PDE3A: variants seen among roughly 807,000 people sequenced by gnomAD.
The protein encoded by PDE3A is phosphodiesterase 3A.
Under a neutral mutation model 98.3 loss-of-function variants are expected in PDE3A, and 43 were observed. The observed-to-expected ratio is 0.44, with a 90% CI of 0.34 to 0.56. PDE3A has a LOEUF of 0.56. Ranked by LOEUF, PDE3A falls within the 20% of genes least tolerant of loss-of-function variation. The pLI is 0.01. For missense variants in PDE3A, 1,427 were observed against 1,440.7 expected (o/e 0.99, Z 0.15); for synonymous variants, 663 against 567.9 (o/e 1.17, Z -2.38).
chr12:20,424,865 G>A lies in PDE3A; in HGVS notation c.960+54621G>A, dbSNP rs908815613. 1.6e-4 allele frequency among the ~76,000 whole-genome samples: 24 copies of A among 152,138 alleles called. 1 individual carries two copies. The highest frequency in any genetic ancestry group is 4.1e-4 in the African/African-American group (17 of 41,440). ...ACTATAGGATTCCCTCCTAAATTTC[G>A]TTCATTGTAACACCCACACTGTGTT... On this transcript the variant is annotated intron_variant, in intron 1 of 15. Transcript: ENST00000359062.
chr12:20,578,474 T>TACACACACACAC (rs5796870), intron 2 of PDE3A, among the ~76,000 whole-genome samples: 1 of 148,462 alleles, frequency 6.7e-6, no homozygotes, highest in African/African-American at 2.5e-5. Flanking sequence ...ATACAACTAA[T>TACACACACACAC]ACACACACAC....
At chr12:20,445,609 T>C (rs1218709978) in intron 1 of PDE3A, among the ~76,000 whole-genome samples, 1 of 152,198 alleles carries the variant, frequency 6.6e-6, no homozygotes, top group Non-Finnish European at 1.5e-5. Flanking sequence ...GGGGATCAAC[T>C]TGAAATTCTT....
At chr12:20,501,521 G>C (rs1788177586) in intron 1 of PDE3A, among the ~76,000 whole-genome samples, 1 of 152,090 alleles carries the variant, frequency 6.6e-6, no homozygotes, top group South Asian at 2.1e-4. Context: ...CCAAGTTTTT[G>C]GTTATTTAAA....
chr12:20,587,707 T>A (rs549353888), intron 2 of PDE3A, among the ~76,000 whole-genome samples: 1 of 152,340 alleles, frequency 6.6e-6, no homozygotes, highest in African/African-American at 2.4e-5. Context: ...GGTGTGTAAG[T>A]TCTTAAGCCG....
chr12:20,384,779 G>A (rs1460381896), intron 1 of PDE3A, among the ~76,000 whole-genome samples: 2 of 152,052 alleles, frequency 1.3e-5, no homozygotes, highest in Non-Finnish European at 2.9e-5. Context: ...AAAACATGTG[G>A]TGTTTGGTTT....
intron 1 of PDE3A, among the ~76,000 whole-genome samples, chr12:20,472,359 A>G (rs2120971629): frequency 6.6e-6 from 1 of 152,240 alleles, no homozygotes; most frequent in South Asian, 2.1e-4. Flanking sequence ...CTGGCAGTTA[A>G]TTTTATGGAG....
chr12:20,455,187 T>A (rs1191246744), intron 1 of PDE3A, among the ~76,000 whole-genome samples: 1 of 152,228 alleles, frequency 6.6e-6, no homozygotes, highest in Non-Finnish European at 1.5e-5. Context: ...TCATTGTGGT[T>A]TTGATTTGCA....
chr12:20,499,144 C>T (rs968244600), intron 1 of PDE3A, among the ~76,000 whole-genome samples: 2 of 152,108 alleles, frequency 1.3e-5, no homozygotes, highest in African/African-American at 4.8e-5. Flanking sequence ...CTTAGTCTAA[C>T]GGTTCTACAG....
At chr12:20,431,406 G>A (rs185582902) in intron 1 of PDE3A, among the ~76,000 whole-genome samples, 7 of 152,216 alleles carry the variant, frequency 4.6e-5, no homozygotes, top group African/African-American at 9.6e-5. Context: ...TTGTATACAC[G>A]ATGTATATAA....
At chr12:20,382,294 G>C (rs960641023) in intron 1 of PDE3A, among the ~76,000 whole-genome samples, 2 of 151,894 alleles carry the variant, frequency 1.3e-5, no homozygotes, top group African/African-American at 2.4e-5. Context: ...TGTACAGGAA[G>C]TTCTGACTTT....
At chr12:20,469,358 C>G (rs952618161) in intron 1 of PDE3A, among the ~76,000 whole-genome samples, 2 of 152,114 alleles carry the variant, frequency 1.3e-5, no homozygotes, top group African/African-American at 4.8e-5. Flanking sequence ...TTGTAATATC[C>G]TGCCAGTTTC....
chr12:20,494,115 T>G (rs1413719031), intron 1 of PDE3A, among the ~76,000 whole-genome samples: 3 of 152,218 alleles, frequency 2.0e-5, no homozygotes, highest in Non-Finnish European at 4.4e-5. Flanking sequence ...GAGTTTTGTG[T>G]ATTTTGAGTC....
At chr12:20,646,690 C>A in intron 11 of PDE3A, 61 bp from the exon 12 acceptor site, 2 of 1,424,992 alleles carry the variant, frequency 1.4e-6, no homozygotes, top group Non-Finnish European at 2.0e-6. Flanking sequence ...AGAAAGAAGT[C>A]AAGACAAATA....
At chr12:20,414,179 C>G (rs143626188) in intron 1 of PDE3A, among the ~76,000 whole-genome samples, 3 of 152,030 alleles carry the variant, frequency 2.0e-5, no homozygotes, top group African/African-American at 7.2e-5. Context: ...GATTATATGC[C>G]TATAGGATAC....
chr12:20,405,417 C>T (rs1044233366), intron 1 of PDE3A, among the ~76,000 whole-genome samples: 3 of 152,054 alleles, frequency 2.0e-5, no homozygotes, highest in African/African-American at 7.2e-5. Flanking sequence ...CTTTCATTCC[C>T]CATTTCCAGG....
At position 20,611,379 on chromosome 12, in the gene PDE3A, TACA is replaced by T. The variant is rs1219212361; in HGVS notation, c.1012-2063_1012-2061del. 2.5e-4 allele frequency among the ~76,000 whole-genome samples: 38 copies of T among 151,916 alleles called. 1 individual carries two copies. In the East Asian group the frequency reaches 7.1e-3, roughly 29 times the overall value. ...AGTATTAAATTATGCATTAAGTAAT[TACA>T]GATATATTTAAGCACATAAAATTAA... On this transcript the variant is annotated intron_variant, in intron 2 of 15. Coordinates refer to ENST00000359062, the MANE Select transcript of PDE3A (RefSeq NM_000921.5).
intron 2 of PDE3A, among the ~76,000 whole-genome samples, chr12:20,599,650 T>C (rs976223730): frequency 7.9e-5 from 12 of 152,198 alleles, no homozygotes; most frequent in Non-Finnish European, 1.5e-4. Context: ...TACCCCTTAC[T>C]TCCTTCTCTT....
At chr12:20,609,241 A>T (rs1943788689) in intron 2 of PDE3A, among the ~76,000 whole-genome samples, 2 of 152,062 alleles carry the variant, frequency 1.3e-5, no homozygotes, top group South Asian at 4.1e-4. Context: ...ATTGAAAATC[A>T]ACAGACAAAA....
intron 1 of PDE3A, among the ~76,000 whole-genome samples, chr12:20,413,952 T>A (rs1171637860): frequency 6.6e-6 from 1 of 152,052 alleles, no homozygotes; most frequent in East Asian, 1.9e-4. Context: ...TCGATTTGAT[T>A]TTAAGAGGTG....
Sources: gnomAD v4.1 joint callset for allele counts (sites outside exome capture counted in the v4.1 genomes callset) on GRCh38, gnomAD v4.1.1 for gene constraint, MANE v1.5 for transcripts, NCBI Gene and HGNC (gene_info 2026-07-23, HGNC 2026-07-21) for gene names.